TRABD2B: variants seen among roughly 807,000 people sequenced by gnomAD.
TRABD2B encodes the protein TraB domain containing 2B.
In TRABD2B, 14 loss-of-function variants were observed where a neutral mutation model predicts 40.1. The ratio of observed to expected loss-of-function variants is 0.35; its 90% CI spans 0.23 to 0.55. TRABD2B has a LOEUF of 0.55. Among genes scored for constraint, TRABD2B ranks in the 20% least tolerant of loss-of-function variants. The pLI, the probability that TRABD2B is intolerant of heterozygous loss-of-function variation, is 0.90. For synonymous variants in TRABD2B, 263 were observed against 277.0 expected, an observed-to-expected ratio of 0.95 and a Z score of 0.50; for missense variants, 541 against 648.6, an observed-to-expected ratio of 0.83 and a Z score of 1.80.
intron 2 of TRABD2B, among the ~76,000 whole-genome samples, chr1:47,952,589 G>A (rs1031949844): frequency 3.3e-5 from 5 of 152,058 alleles, no homozygotes; most frequent in Admixed American, 6.5e-5. Context: ...CCTGACACTC[G>A]AAGGCCTCGA....
intron 2 of TRABD2B, among the ~76,000 whole-genome samples, chr1:47,918,579 C>CT (rs1644860324): frequency 6.6e-6 from 1 of 152,186 alleles, no homozygotes; most frequent in Admixed American, 6.5e-5. Flanking sequence ...TGAATACCCC[C>CT]TCCCTCCTTC....
chr1:47,879,897 G>T (rs928326048), intron 2 of TRABD2B, among the ~76,000 whole-genome samples: 2 of 152,234 alleles, frequency 1.3e-5, no homozygotes, highest in East Asian at 3.9e-4. Context: ...CTGCCAGGCT[G>T]ACCCCTCTCG....
chr1:47,874,286 T>A (rs565905984), intron 2 of TRABD2B, among the ~76,000 whole-genome samples: 8 of 114,452 alleles, frequency 7.0e-5, no homozygotes, highest in African/African-American at 2.7e-4. Context: ...TGAGACGGAG[T>A]CTCGCTCTGT....
intron 2 of TRABD2B, among the ~76,000 whole-genome samples, chr1:47,987,934 G>A (rs185099183): frequency 6.6e-5 from 10 of 152,288 alleles, no homozygotes; most frequent in South Asian, 2.1e-4. Context: ...TTAATTCCAC[G>A]GTGATGGAGG....
chr1:47,967,783 A>G (rs1466345946), intron 2 of TRABD2B, among the ~76,000 whole-genome samples: 1 of 152,264 alleles, frequency 6.6e-6, no homozygotes, highest in Non-Finnish European at 1.5e-5. Context: ...AATGACACTG[A>G]GTCTCCAAGA....
chr1:47,941,406 GCAGA>G (rs1239910401), intron 2 of TRABD2B, among the ~76,000 whole-genome samples: 1 of 151,988 alleles, frequency 6.6e-6, no homozygotes, highest in African/African-American at 2.4e-5. Context: ...GCACACACTC[GCAGA>G]CATACATGTA....
At chr1:47,856,202 G>T (rs891288341) in intron 2 of TRABD2B, among the ~76,000 whole-genome samples, 2 of 152,238 alleles carry the variant, frequency 1.3e-5, no homozygotes, top group African/African-American at 4.8e-5. Flanking sequence ...TCTGCGGGCA[G>T]GACCCCTGCC....
intron 2 of TRABD2B, among the ~76,000 whole-genome samples, chr1:47,815,219 A>C (rs1174806623): frequency 1.3e-5 from 2 of 152,240 alleles, no homozygotes; most frequent in Non-Finnish European, 2.9e-5. Flanking sequence ...TGGGAAAAGA[A>C]CACAGAGAAG....
chr1:47,814,636 C>A (rs1402727407), intron 2 of TRABD2B, among the ~76,000 whole-genome samples: 1 of 152,314 alleles, frequency 6.6e-6, no homozygotes, highest in East Asian at 1.9e-4. Flanking sequence ...CTCCCCACTC[C>A]CTTCCCTTTT....
At chr1:47,824,114 G>C (rs6668378) in intron 2 of TRABD2B, among the ~76,000 whole-genome samples, 98,320 of 152,062 alleles carry the variant, frequency 0.65, 32,035 homozygotes, top group South Asian at 0.79. Context: ...ACGGTGAAGT[G>C]GGGGCTGCTC....
chr1:47,976,742 C>A (rs1449751007), intron 2 of TRABD2B, among the ~76,000 whole-genome samples: 1 of 152,176 alleles, frequency 6.6e-6, no homozygotes, highest in Non-Finnish European at 1.5e-5. Context: ...TGCATACATG[C>A]TTGGTACATG....
At position 47,876,737 on chromosome 1, in the gene TRABD2B, C is replaced by A. The variant is rs555173335; in HGVS notation, c.667-75118G>T. 5.3e-5 allele frequency among the ~76,000 whole-genome samples: 8 copies of A among 152,332 alleles called. No individual in the cohort carries two copies. The South Asian group carries it at 1.7e-3, about 32-fold the overall frequency. On this transcript the variant is annotated intron_variant, in intron 2 of 6. Transcript: ENST00000606738. ...TTCCGGGAGGGAGTGAGTGCTGCCC[C>A]ACTCAGAGAGCACTGACAGCAGCAG...
At chr1:47,772,360 CG>C (rs966974292) in intron 6 of TRABD2B, among the ~76,000 whole-genome samples, 1 of 151,536 alleles carries the variant, frequency 6.6e-6, no homozygotes, top group Non-Finnish European at 1.5e-5. Flanking sequence ...GGAGGTGGGA[CG>C]GGGCACCTCG....
At chr1:47,992,009 A>C (rs943483275) in intron 2 of TRABD2B, among the ~76,000 whole-genome samples, 1 of 152,228 alleles carries the variant, frequency 6.6e-6, no homozygotes, top group Non-Finnish European at 1.5e-5. Context: ...GCCTCCCTAC[A>C]AAATGATAAC....
chr1:47,915,758 C>T (rs1644822146), intron 2 of TRABD2B, among the ~76,000 whole-genome samples: 2 of 152,280 alleles, frequency 1.3e-5, no homozygotes, highest in Non-Finnish European at 2.9e-5. Context: ...GATGTGCTGT[C>T]AGTCACAGCC....
chr1:47,901,281 G>A (rs181261784), intron 2 of TRABD2B, among the ~76,000 whole-genome samples: 3 of 152,338 alleles, frequency 2.0e-5, no homozygotes, highest in Admixed American at 2.0e-4. Context: ...GCCAGCCCAA[G>A]AAATAAAGGG....
At chr1:47,995,750 C>T (rs1013958071) in intron 1 of TRABD2B, among the ~76,000 whole-genome samples, 41 of 152,282 alleles carry the variant, frequency 2.7e-4, no homozygotes, top group Admixed American at 2.0e-4. Flanking sequence ...GAGAACAGTA[C>T]CTTACTTTAC....
chr1:47,831,556 C>T (rs1039939822), intron 2 of TRABD2B, among the ~76,000 whole-genome samples: 1 of 152,132 alleles, frequency 6.6e-6, no homozygotes, highest in Admixed American at 6.5e-5. Flanking sequence ...CCAAGAATGG[C>T]AGCTCAGTGA....
chr1:47,966,430 A>G (rs1264529590), intron 2 of TRABD2B, among the ~76,000 whole-genome samples: 1 of 152,212 alleles, frequency 6.6e-6, no homozygotes, highest in Non-Finnish European at 1.5e-5. Context: ...ATCTCCACTC[A>G]GCTTTCAGTG....
Sources: allele counts gnomAD v4.1 joint callset (sites outside exome capture counted in the v4.1 genomes callset), GRCh38; gene constraint gnomAD v4.1.1; transcripts MANE v1.5; gene names NCBI Gene and HGNC (gene_info 2026-07-23, HGNC 2026-07-21).